The following THEMIS variants were observed in gnomAD, a reference collection of about 807,000 sequenced individuals.
The protein encoded by THEMIS is thymocyte selection associated.
THEMIS carries 37 observed loss-of-function variants against 52.6 expected under a neutral mutation model. The ratio of observed to expected loss-of-function variants is 0.70; its 90% CI spans 0.54 to 0.93. THEMIS has a LOEUF of 0.93. Ranked by LOEUF, THEMIS falls within the 40% of genes least tolerant of loss-of-function variation. The pLI, the probability that THEMIS is intolerant of heterozygous loss-of-function variation, is 0.00. For synonymous variants in THEMIS, 292 were observed against 272.7 expected (o/e 1.07, Z -0.70); for missense variants, 808 against 763.1 (o/e 1.06, Z -0.69).
At chr6:127,706,975 T>G (rs1282746331), downstream of THEMIS, among the ~76,000 whole-genome samples, 2 of 152,098 alleles carry the variant, frequency 1.3e-5, no homozygotes, top group Admixed American at 6.6e-5. Context: ...TTTAATTGAC[T>G]CACAGTTCAG....
intron 2 of THEMIS, among the ~76,000 whole-genome samples, chr6:127,841,646 G>A (rs977500638): frequency 5.3e-5 from 8 of 151,696 alleles, no homozygotes; most frequent in Admixed American, 2.0e-4. Flanking sequence ...TTTGTCTTTT[G>A]GCTAATATAC....
At chr6:127,862,815 C>A (rs1248983865) in intron 1 of THEMIS, among the ~76,000 whole-genome samples, 1 of 151,986 alleles carries the variant, frequency 6.6e-6, no homozygotes. Context: ...TACCATTTGT[C>A]CCTCTCATCA....
At chr6:127,863,592 A>G (rs1267236826) in intron 1 of THEMIS, among the ~76,000 whole-genome samples, 2 of 152,174 alleles carry the variant, frequency 1.3e-5, no homozygotes, top group Admixed American at 6.6e-5. Context: ...CTGTCAAACA[A>G]TTGGAGTGTA....
chr6:127,738,493 A>G, intron 4 of THEMIS, among the ~76,000 whole-genome samples: 1 of 152,180 alleles, frequency 6.6e-6, no homozygotes, highest in Non-Finnish European at 1.5e-5. Context: ...AGAGTTGTCA[A>G]TTTAACTTCT....
At chr6:127,703,274 C>T (rs1434732910), downstream of THEMIS, among the ~76,000 whole-genome samples, 7 of 151,908 alleles carry the variant, frequency 4.6e-5, no homozygotes, top group African/African-American at 1.7e-4. Flanking sequence ...GTCTCGATCT[C>T]CTGACCTCGT....
intron 4 of THEMIS, among the ~76,000 whole-genome samples, chr6:127,753,948 G>A (rs1471515530): frequency 6.6e-6 from 1 of 151,794 alleles, no homozygotes; most frequent in African/African-American, 2.4e-5. Context: ...ATAATATAGA[G>A]GCCAGAAGAA....
the THEMIS span, among the ~76,000 whole-genome samples, chr6:127,702,478 T>G: frequency 6.6e-6 from 1 of 152,196 alleles, no homozygotes; most frequent in Non-Finnish European, 1.5e-5. Flanking sequence ...TCTAATTAAG[T>G]AAATATTCTG....
At chr6:127,710,447 C>T (rs1252858505) in intron 5 of THEMIS, among the ~76,000 whole-genome samples, 3 of 151,960 alleles carry the variant, frequency 2.0e-5, no homozygotes, top group African/African-American at 7.2e-5. Context: ...CCAGACTCAA[C>T]AGGCTTTGGC....
chr6:127,877,173 G>A (rs1355911116), intron 1 of THEMIS, among the ~76,000 whole-genome samples: 3 of 152,074 alleles, frequency 2.0e-5, no homozygotes, highest in East Asian at 1.9e-4. Flanking sequence ...TGATGTTGAC[G>A]GCCTTGATCT....
chr6:127,808,188 G>A (rs76295823), intron 4 of THEMIS, among the ~76,000 whole-genome samples: 10,580 of 152,176 alleles, frequency 0.07, 368 homozygotes, highest in Non-Finnish European at 0.086. Context: ...CTGAAGACAT[G>A]GAATATCTCA....
chr6:127,798,762 G>A (rs1299276403), intron 4 of THEMIS, among the ~76,000 whole-genome samples: 4 of 151,922 alleles, frequency 2.6e-5, no homozygotes, highest in African/African-American at 4.8e-5. Context: ...AGGCCGAGGC[G>A]GGCGGATCAC....
chr6:127,750,995 T>C (rs1775622796), intron 4 of THEMIS, among the ~76,000 whole-genome samples: 1 of 151,744 alleles, frequency 6.6e-6, no homozygotes, highest in African/African-American at 2.4e-5. Context: ...AATGAAAGAA[T>C]GCTAATTAGC....
At chr6:127,799,059 G>A (rs1482494823) in intron 4 of THEMIS, among the ~76,000 whole-genome samples, 1 of 151,712 alleles carries the variant, frequency 6.6e-6, no homozygotes, top group Non-Finnish European at 1.5e-5. Flanking sequence ...GTATTTGCAG[G>A]CTGCAAAAAT....
intron 1 of THEMIS, among the ~76,000 whole-genome samples, chr6:127,863,965 G>C (rs1779892135): frequency 1.3e-5 from 2 of 152,024 alleles, no homozygotes; most frequent in Admixed American, 1.3e-4. Context: ...CTTCCCCTGT[G>C]TCCCTTCTAC....
intron 1 of THEMIS, among the ~76,000 whole-genome samples, chr6:127,873,467 G>A (rs1212461854): frequency 2.6e-5 from 4 of 152,108 alleles, no homozygotes; most frequent in Non-Finnish European, 4.4e-5. Flanking sequence ...GGAAGAAAAT[G>A]TACTCCCCCA....
intron 4 of THEMIS, among the ~76,000 whole-genome samples, chr6:127,787,773 A>G (rs896430524): frequency 1.3e-5 from 2 of 151,944 alleles, no homozygotes; most frequent in African/African-American, 4.8e-5. Flanking sequence ...TATATTTATA[A>G]GCTAAAAAGT....
chr6:127,726,785 A>C (rs1774561982), intron 4 of THEMIS, among the ~76,000 whole-genome samples: 1 of 152,164 alleles, frequency 6.6e-6, no homozygotes, highest in Admixed American at 6.6e-5. Flanking sequence ...TACAATACTT[A>C]GGTGGAGAAC....
intron 4 of THEMIS, among the ~76,000 whole-genome samples, chr6:127,769,343 T>A (rs12110553): frequency 6.9e-6 from 1 of 145,164 alleles, no homozygotes; most frequent in Non-Finnish European, 1.5e-5. Flanking sequence ...AATAGACCAG[T>A]TTTTTTTTGT....
At chr6:127,812,653 C>G (rs993341809) in intron 4 of THEMIS, among the ~76,000 whole-genome samples, 1 of 152,196 alleles carries the variant, frequency 6.6e-6, no homozygotes, top group Non-Finnish European at 1.5e-5. Context: ...ATCCAAATGT[C>G]ATCTCTGCTA....
Sources: allele counts gnomAD v4.1 joint callset (sites outside exome capture counted in the v4.1 genomes callset), GRCh38; gene constraint gnomAD v4.1.1; transcripts MANE v1.5; gene names NCBI Gene and HGNC (gene_info 2026-07-23, HGNC 2026-07-21).